Variants in PDE4D observed in about 807,000 individuals in gnomAD.
The protein encoded by PDE4D is phosphodiesterase 4D.
In PDE4D, 24 loss-of-function variants were observed where a neutral mutation model predicts 87.4. The ratio of observed to expected loss-of-function variants is 0.27; its 90% CI spans 0.20 to 0.39. The LOEUF (loss-of-function observed/expected upper bound fraction) is 0.39. PDE4D is among the 10% of genes least tolerant of loss of function. The pLI is 1.00. For synonymous variants in PDE4D, 384 were observed against 383.2 expected (o/e 1.00, Z -0.02); for missense variants, 714 against 1,041.0 (o/e 0.69, Z 4.32).
chr5:59,055,420 A>T (rs1414574549), intron 5 of PDE4D, among the ~76,000 whole-genome samples: 2 of 152,154 alleles, frequency 1.3e-5, no homozygotes, highest in Non-Finnish European at 1.5e-5. Context: ...CGAAGTCCCT[A>T]TAAAATCTAC....
intron 5 of PDE4D, among the ~76,000 whole-genome samples, chr5:59,118,377 G>C (rs1184531420): frequency 2.0e-5 from 3 of 152,162 alleles, no homozygotes; most frequent in Non-Finnish European, 2.9e-5. Flanking sequence ...ACAATAAGCT[G>C]CTTAAGTGTT....
intron 1 of PDE4D, among the ~76,000 whole-genome samples, chr5:60,447,330 T>C (rs767752760): frequency 2.0e-5 from 3 of 152,184 alleles, no homozygotes; most frequent in African/African-American, 7.2e-5. Flanking sequence ...TTCTGAGATA[T>C]GTCAGCATAG....
Position 59,884,313 on chromosome 5 carries a change from C to G in PDE4D, c.455+8855G>C, listed in dbSNP as rs1749866038. Among the ~76,000 whole-genome samples the G allele has an allele frequency of 1.3e-5, 2 of 151,352 alleles. 1 individual carries two copies. The highest frequency in any genetic ancestry group is 4.2e-4 in the South Asian group (2 of 4,764). ...ACACATATATATATACACACACATACCACACATACACCTACATACATAACT... is the reference window on the plus strand; with the variant it reads ...ACACATATATATATACACACACATAGCACACATACACCTACATACATAACT... On this transcript the variant is annotated intron_variant, in intron 1 of 14. Coordinates refer to ENST00000340635, the MANE Select transcript of PDE4D (RefSeq NM_001104631.2).
At chr5:60,322,383 C>T (rs867236999) in intron 1 of PDE4D, among the ~76,000 whole-genome samples, 9 of 144,794 alleles carry the variant, frequency 6.2e-5, no homozygotes, top group African/African-American at 1.3e-4. Flanking sequence ...CACACACACA[C>T]ACACACACAC....
At position 60,345,515 on chromosome 5, in the gene PDE4D, G is replaced by A. The variant is rs910154156; in HGVS notation, c.-90+142427C>T. 1.3e-5 allele frequency among the ~76,000 whole-genome samples: 2 copies of A among 149,478 alleles called. 1 individual carries two copies. The highest frequency in any genetic ancestry group is 1.3e-4 in the Admixed American group (2 of 14,984). On this transcript the variant is annotated intron_variant, in intron 1 of 16. Coordinates refer to the PDE4D transcript ENST00000502484. The stretch of plus-strand genomic sequence containing the variant: ...ATGAAAAGAAAATTAACTATTTGAT[G>A]AGCATCTAAAATGTGTCAGGAATTA...
chr5:59,134,052 A>G (rs897985685), intron 5 of PDE4D, among the ~76,000 whole-genome samples: 1 of 150,668 alleles, frequency 6.6e-6, no homozygotes, highest in Non-Finnish European at 1.5e-5. Context: ...TACCTTGTAC[A>G]TGGTTTCTCT....
intron 1 of PDE4D, among the ~76,000 whole-genome samples, chr5:59,795,438 G>T (rs1232697263): frequency 1.3e-5 from 2 of 152,032 alleles, no homozygotes; most frequent in African/African-American, 4.8e-5. Context: ...TAATCTCTGC[G>T]GCAAATGCAT....
At chr5:59,898,135 A>AATATCCTTG, upstream of PDE4D, among the ~76,000 whole-genome samples, 1 of 152,332 alleles carries the variant, frequency 6.6e-6, no homozygotes, top group East Asian at 1.9e-4. Context: ...GCTGTACTTG[A>AATATCCTTG]ATATCCTTGT....
chr5:59,985,145 G>A (rs111438566), intron 3 of PDE4D, among the ~76,000 whole-genome samples: 3 of 110,556 alleles, frequency 2.7e-5, no homozygotes, highest in African/African-American at 2.9e-5. Context: ...TTTGTTTTTT[G>A]TTTTTTATTT....
chr5:59,142,290 T>C (rs1242972046), intron 5 of PDE4D, among the ~76,000 whole-genome samples: 2 of 152,222 alleles, frequency 1.3e-5, no homozygotes, highest in African/African-American at 4.8e-5. Flanking sequence ...ATGCATCTCA[T>C]CCTTTCCTCC....
chr5:59,677,697 T>A (rs1433682735), intron 1 of PDE4D, among the ~76,000 whole-genome samples: 2 of 152,188 alleles, frequency 1.3e-5, no homozygotes, highest in Non-Finnish European at 2.9e-5. Context: ...GTTACTATAA[T>A]GATGTTTAGC....
chr5:59,136,928 A>T (rs556591728), intron 5 of PDE4D, among the ~76,000 whole-genome samples: 1 of 152,186 alleles, frequency 6.6e-6, no homozygotes, highest in Non-Finnish European at 1.5e-5. Context: ...AGGGTGACCA[A>T]CTTGTCCTAA....
intron 5 of PDE4D, among the ~76,000 whole-genome samples, chr5:59,137,647 C>G (rs1777291289): frequency 6.6e-6 from 1 of 152,084 alleles, no homozygotes; most frequent in South Asian, 2.1e-4. Context: ...CTGCCTCAGC[C>G]TCCCTAGTAG....
chr5:59,196,586 A>G (rs1193629405), intron 2 of PDE4D, among the ~76,000 whole-genome samples: 2 of 152,244 alleles, frequency 1.3e-5, no homozygotes, highest in Non-Finnish European at 2.9e-5. Flanking sequence ...ACCAGTGTTT[A>G]AAAAGCATGA....
chr5:59,314,511 G>A (rs943931537), intron 1 of PDE4D: 4 of 152,076 alleles, frequency 2.6e-5, no homozygotes, highest in African/African-American at 7.2e-5. Context: ...TAAACTCAAG[G>A]CTTCACTGAA....
In PDE4D at chr5:59,575,687, G is replaced by A. The variant is rs553505944; in HGVS notation, c.455+317481C>T. Among the ~76,000 whole-genome samples, 22 of 152,194 alleles carry A rather than the reference G, an allele frequency of 1.4e-4. 1 individual carries two copies. The South Asian group carries it at 2.7e-3, about 19-fold the overall frequency. On this transcript the variant is annotated intron_variant, in intron 1 of 14. Coordinates refer to ENST00000340635, the MANE Select transcript of PDE4D (RefSeq NM_001104631.2). ...AAACCTGAAATTAATATTAAAAGCC[G>A]TAAATTCCCAGGACACAATTCTGGA...
intron 5 of PDE4D, among the ~76,000 whole-genome samples, chr5:59,128,919 G>A (rs761617717): frequency 6.6e-6 from 1 of 152,124 alleles, no homozygotes; most frequent in Non-Finnish European, 1.5e-5. Context: ...ATGCCCAAAG[G>A]CTGCGTCATG....
chr5:59,380,642 T>C (rs185070422), intron 1 of PDE4D, among the ~76,000 whole-genome samples: 1 of 152,274 alleles, frequency 6.6e-6, no homozygotes, highest in African/African-American at 2.4e-5. Context: ...AAAAATGTCC[T>C]TTTGTGCCCT....
intron 1 of PDE4D, among the ~76,000 whole-genome samples, chr5:60,302,549 C>A (rs1190843388): frequency 6.6e-6 from 1 of 151,788 alleles, no homozygotes; most frequent in African/African-American, 2.4e-5. Context: ...TTTATTTGAT[C>A]CTTCTCTCTT....
Sources: gnomAD v4.1 joint callset for allele counts (sites outside exome capture counted in the v4.1 genomes callset) on GRCh38, gnomAD v4.1.1 for gene constraint, MANE v1.5 for transcripts, NCBI Gene and HGNC (gene_info 2026-07-23, HGNC 2026-07-21) for gene names.